Variants in TTC21B observed in about 807,000 individuals in gnomAD.
TTC21B encodes tetratricopeptide repeat protein 21B.
A neutral mutation model predicts 175.1 loss-of-function variants in TTC21B; 127 were observed. The observed-to-expected ratio is 0.73, with a 90% CI of 0.63 to 0.84. TTC21B has a LOEUF of 0.84. Among genes scored for constraint, TTC21B ranks in the 40% least tolerant of loss-of-function variants. The probability of loss-of-function intolerance (pLI) is 0.00; values close to 1 mark genes in which losing one functional copy is unlikely to be tolerated. For synonymous variants in TTC21B, 524 were observed against 524.5 expected, an observed-to-expected ratio of 1.00 and a Z score of 0.01; for missense variants, 1,561 against 1,558.3, an observed-to-expected ratio of 1.00 and a Z score of -0.03.
At chr2:165,907,459 A>G (rs1222685055) in intron 19 of TTC21B, among the ~76,000 whole-genome samples, 6 of 152,232 alleles carry the variant, frequency 3.9e-5, no homozygotes, top group Non-Finnish European at 7.3e-5. Flanking sequence ...CCTCAGCTAT[A>G]AAATGGGATT....
intron 22 of TTC21B, among the ~76,000 whole-genome samples, chr2:165,895,246 T>C (rs556642254): frequency 6.6e-6 from 1 of 152,282 alleles, no homozygotes; most frequent in East Asian, 1.9e-4. Flanking sequence ...TACAAGATCC[T>C]TATATTGCAT....
At chr2:165,906,981 A>G (rs948719084) in intron 19 of TTC21B, among the ~76,000 whole-genome samples, 2 of 151,538 alleles carry the variant, frequency 1.3e-5, no homozygotes, top group African/African-American at 4.8e-5. Flanking sequence ...AAAAAAAGAA[A>G]AAAAGAATTA....
chr2:165,912,365 AG>A (rs1356152168), intron 17 of TTC21B, 148 bp downstream of exon 17: 7 of 698,398 alleles, frequency 1.0e-5, no homozygotes, highest in Non-Finnish European at 1.6e-5. Context: ...GATAAATCTA[AG>A]AAGGCCTTTA....
intron 15 of TTC21B, among the ~76,000 whole-genome samples, chr2:165,914,698 T>TGTGTGTGTG (rs71031214): frequency 3.6e-4 from 48 of 132,384 alleles, no homozygotes; most frequent in East Asian, 6.6e-4. Context: ...TGTGTGTGTG[T>TGTGTGTGTG]TGTGTATCCC....
At position 165,930,203 on chromosome 2, in the gene TTC21B, T is replaced by C. The variant is rs767619233; in HGVS notation, c.1056A>G (p.Thr352=). 1 of 1,613,286 alleles carries C rather than the reference T, an allele frequency of 6.2e-7. No individual in the cohort carries two copies. Among genetic ancestry groups the C allele is most frequent in the Non-Finnish European group, 8.5e-7 (1 of 1,179,434 alleles). ...GGGCAGACACACTAGTCTCATCAAG[T>C]GTCATGGCGGTCTTATACCACTTCA... ...EALKWYKTAM[T]LDETSVSALV... The change falls in exon 9 of 29, where the codon ACA becomes ACG. Residue 352 remains threonine, a synonymous_variant. Coordinates refer to ENST00000243344, the MANE Select transcript of TTC21B (RefSeq NM_024753.5).
At chr2:165,904,225 T>G (rs78761122) in intron 19 of TTC21B, among the ~76,000 whole-genome samples, 5,447 of 151,552 alleles carry the variant, frequency 0.036, 328 homozygotes, top group African/African-American at 0.13. Flanking sequence ...AACTAACCTA[T>G]GGCTGGGTGC....
Position 165,930,295 on chromosome 2 carries a change from G to A in TTC21B, c.964C>T (p.Gln322Ter), listed in dbSNP as rs1249685224. 2 of 1,613,074 alleles carry A rather than the reference G, an allele frequency of 1.2e-6. No individual in the cohort carries two copies. Among genetic ancestry groups the A allele is most frequent in the East Asian group, 2.2e-5 (1 of 44,826 alleles). ...AGTTCTGTAGCAAATTCTGATTGCTGAGGGTTTAAACTAAAAGCTCTCTCA... is the reference window on the plus strand; with the variant it reads ...AGTTCTGTAGCAAATTCTGATTGCTAAGGGTTTAAACTAAAAGCTCTCTCA... ...LLERAFSLNP[Q>*]QSEFATELGY... Residue 322 changes from glutamine to a stop codon, truncating the protein, a stop_gained, in exon 9 of 29, where the codon CAG (glutamine) becomes TAG (stop). Transcript: ENST00000243344. LOFTEE classifies it high-confidence loss of function.
chr2:165,929,748 C>T lies in TTC21B; in HGVS notation c.1088-1G>A. On this transcript the variant is annotated splice_acceptor_variant, in intron 9 of 28. Transcript: ENST00000243344. LOFTEE classifies it high-confidence loss of function. ...TCTATCAACTGACATTGGATAAATC[C>T]TAAAATCAAACAGCAGAAAGACAGT... 6 of 1,606,200 alleles carry T rather than the reference C, an allele frequency of 3.7e-6. No individual in the cohort carries two copies. Among genetic ancestry groups the T allele is most frequent in the Non-Finnish European group, 4.3e-6 (5 of 1,174,310 alleles).
chr2:165,894,231 C>T (rs1358942269), intron 22 of TTC21B, among the ~76,000 whole-genome samples: 1 of 152,108 alleles, frequency 6.6e-6, no homozygotes, highest in Non-Finnish European at 1.5e-5. Context: ...AAGGGGAAAG[C>T]TCAAGGCGAT....
rs141739444 is a variant in TTC21B, at chr2:165,949,451, C to T, written c.205G>A (p.Val69Ile). 2 of 1,613,828 alleles carry T rather than the reference C, an allele frequency of 1.2e-6. No homozygotes were observed. The highest frequency in any genetic ancestry group is 1.1e-5 in the South Asian group (1 of 91,070). Residue 69 changes from valine to isoleucine, a missense_variant, in exon 3 of 29, where the codon GTA becomes ATA. Transcript: ENST00000243344. ...EFEAIKNKQD[V>I]SLCSLLALIY... is the part of the protein sequence containing the mutation. ...AGTGCAAGTAGAGAACAAAGTGATA[C>T]ATCTTGTTTATTTTTAATAGCCTCA...
intron 19 of TTC21B, among the ~76,000 whole-genome samples, chr2:165,906,475 T>G (rs1029872215): frequency 6.6e-6 from 1 of 152,008 alleles, no homozygotes. Context: ...TTTGTAGACA[T>G]TCAAAAGAAA....
At chr2:165,891,063 T>C in intron 22 of TTC21B, 75 bp from the exon 23 acceptor site, 1 of 1,271,830 alleles carries the variant, frequency 7.9e-7, no homozygotes, top group Non-Finnish European at 1.1e-6. Context: ...TCTACTTCAT[T>C]AGAGTATAAT....
intron 7 of TTC21B, 59 bp from the exon 8 acceptor site, chr2:165,931,915 A>G: frequency 1.8e-6 from 2 of 1,101,694 alleles, no homozygotes; most frequent in South Asian, 1.3e-5. Context: ...AACATAATAC[A>G]TGCACATACA....
At chr2:165,923,312 T>C (rs1326357916) in intron 12 of TTC21B, among the ~76,000 whole-genome samples, 1 of 152,178 alleles carries the variant, frequency 6.6e-6, no homozygotes. Flanking sequence ...CACTCCATTA[T>C]ATTACAGGAA....
chr2:165,949,793 A>G (rs1687705493), intron 1 of TTC21B, 69 bp from the exon 2 acceptor site: 1 of 1,467,976 alleles, frequency 6.8e-7, no homozygotes, highest in East Asian at 2.3e-5. Flanking sequence ...AGAAGCAGAT[A>G]ATAATCTAAC....
intron 17 of TTC21B, among the ~76,000 whole-genome samples, chr2:165,911,890 CCTGAA>C (rs1398409165): frequency 2.0e-5 from 3 of 152,120 alleles, no homozygotes; most frequent in African/African-American, 7.2e-5. Context: ...GTTTCAAACT[CCTGAA>C]CTCAATTGAT....
intron 19 of TTC21B, among the ~76,000 whole-genome samples, chr2:165,905,554 A>C (rs1463479631): frequency 6.6e-6 from 1 of 152,192 alleles, no homozygotes. Context: ...GAAATGAAGA[A>C]GGCCATTTTA....
chr2:165,928,783 C>T (rs1259210811), intron 11 of TTC21B: 3 of 229,088 alleles, frequency 1.3e-5, no homozygotes, highest in Middle Eastern at 1.8e-3. Context: ...AGTTATATGA[C>T]AAGAACTTCA....
rs758478193 is a variant in TTC21B at position 165,888,284 on chromosome 2, ATGC to A, written c.3451_3453del (p.Ala1151del). 6.2e-6 allele frequency: 10 copies of A among 1,611,664 alleles called. No homozygotes were observed. The highest frequency in any genetic ancestry group is 4.5e-5 in the East Asian group (2 of 44,802). On this transcript the variant is annotated inframe_deletion, in exon 25 of 29. Transcript: ENST00000243344. ...GAAAAAGGAAATCCACTAACCTCAG[ATGC>A]TGCTATTTCAGTGAAGGTATTTAAT...
Sources: allele counts gnomAD v4.1 joint callset (sites outside exome capture counted in the v4.1 genomes callset), GRCh38; gene constraint gnomAD v4.1.1; transcripts MANE v1.5; gene names NCBI Gene and HGNC (gene_info 2026-07-23, HGNC 2026-07-21).